The following MTHFD2L variants were observed in gnomAD, a reference collection of about 807,000 sequenced individuals.
The protein encoded by MTHFD2L is methylenetetrahydrofolate dehydrogenase (NADP+ dependent) 2 like.
Under a neutral mutation model 34.9 loss-of-function variants are expected in MTHFD2L, and 29 were observed. That is an observed-to-expected ratio of 0.83 (90% CI 0.62 to 1.13). The LOEUF (loss-of-function observed/expected upper bound fraction) is 1.13, where lower values mean the gene tolerates loss of function less well. Ranked by LOEUF, MTHFD2L falls within the 50% of genes most tolerant of loss-of-function variation. The probability of loss-of-function intolerance (pLI) is 0.00; values close to 1 mark genes in which losing one functional copy is unlikely to be tolerated. For synonymous variants in MTHFD2L, 167 were observed against 155.7 expected, an observed-to-expected ratio of 1.07 and a Z score of -0.54; for missense variants, 481 against 446.5, an observed-to-expected ratio of 1.08 and a Z score of -0.70.
At chr4:74,259,287 C>T (rs1744397601) in intron 6 of MTHFD2L, among the ~76,000 whole-genome samples, 1 of 152,182 alleles carries the variant, frequency 6.6e-6, no homozygotes, top group Admixed American at 6.5e-5. Context: ...CCAGCACCCA[C>T]TCATAGGGTA....
chr4:74,227,966 A>G (rs918013258), intron 6 of MTHFD2L, among the ~76,000 whole-genome samples: 5 of 152,194 alleles, frequency 3.3e-5, no homozygotes, highest in African/African-American at 4.8e-5. Context: ...TGATTCTTCT[A>G]TAGGCCCTTT....
chr4:74,261,636 A>G (rs1440709017), intron 6 of MTHFD2L, among the ~76,000 whole-genome samples: 1 of 152,114 alleles, frequency 6.6e-6, no homozygotes, highest in Non-Finnish European at 1.5e-5. Context: ...CTTATAAATA[A>G]TGTGACCATA....
intron 6 of MTHFD2L, among the ~76,000 whole-genome samples, chr4:74,258,615 A>C (rs1454274026): frequency 6.6e-6 from 1 of 152,198 alleles, no homozygotes; most frequent in Non-Finnish European, 1.5e-5. Flanking sequence ...TCTAGAACAA[A>C]TATCAGATGT....
intron 3 of MTHFD2L, among the ~76,000 whole-genome samples, chr4:74,185,151 CAAAAAAAAAAAAAA>C (rs1169021073): frequency 6.3e-5 from 1 of 15,978 alleles, no homozygotes; most frequent in Non-Finnish European, 1.3e-4. Context: ...GACTCCATCT[CAAAAAAAAAAAAAA>C]AAAAAAAAAA....
intron 1 of MTHFD2L, among the ~76,000 whole-genome samples, chr4:74,130,691 C>T (rs543353289): frequency 5.3e-4 from 80 of 152,262 alleles, no homozygotes; most frequent in African/African-American, 1.9e-3. Flanking sequence ...CAAGGATGCC[C>T]TCTCTCACCA....
At chr4:74,254,516 T>G (rs1255939107) in intron 6 of MTHFD2L, among the ~76,000 whole-genome samples, 3 of 148,786 alleles carry the variant, frequency 2.0e-5, no homozygotes, top group Non-Finnish European at 4.4e-5. Context: ...CAAATAGAAC[T>G]ATCAACTAAG....
At chr4:74,249,790 AGAATG>A (rs1371787702) in intron 6 of MTHFD2L, among the ~76,000 whole-genome samples, 3 of 152,100 alleles carry the variant, frequency 2.0e-5, no homozygotes, top group Admixed American at 1.3e-4. Context: ...CTTTTCTTTA[AGAATG>A]TTGAATATTG....
In MTHFD2L at chr4:74,136,067, C is replaced by A. The variant is rs541065013; in HGVS notation, c.-297+10550C>A. Among the ~76,000 whole-genome samples, 17 of 152,040 alleles carry A rather than the reference C, an allele frequency of 1.1e-4. No homozygotes were observed. The East Asian group carries it at 3.3e-3, about 29-fold the overall frequency. Reference sequence around the variant, plus strand: ...GAAGGCCTTTCCTCTAAAGGCTAGACCAAGATAAGAATGCCCACTTTCACT... The same window carrying A: ...GAAGGCCTTTCCTCTAAAGGCTAGAACAAGATAAGAATGCCCACTTTCACT... On this transcript the variant is annotated intron_variant, in intron 1 of 7. Transcript: ENST00000433372.
At chr4:74,242,369 A>G (rs1220851381) in intron 6 of MTHFD2L, among the ~76,000 whole-genome samples, 1 of 152,148 alleles carries the variant, frequency 6.6e-6, no homozygotes, top group Non-Finnish European at 1.5e-5. Context: ...ATCTTTCAGT[A>G]TAGAGTTTTA....
chr4:74,208,285 A>G (rs1349912271), intron 5 of MTHFD2L, among the ~76,000 whole-genome samples: 1 of 152,240 alleles, frequency 6.6e-6, no homozygotes, highest in Non-Finnish European at 1.5e-5. Flanking sequence ...GCACTGTTTC[A>G]TTTTCAGTGT....
At chr4:74,179,206 C>T (rs1413658601) in intron 3 of MTHFD2L, among the ~76,000 whole-genome samples, 1 of 152,068 alleles carries the variant, frequency 6.6e-6, no homozygotes, top group Non-Finnish European at 1.5e-5. Flanking sequence ...TTTTAAACTT[C>T]TTGTTACGTT....
At chr4:74,253,666 C>T (rs528341465) in intron 6 of MTHFD2L, among the ~76,000 whole-genome samples, 1 of 152,240 alleles carries the variant, frequency 6.6e-6, no homozygotes, top group Admixed American at 6.5e-5. Context: ...GCCCCAGGCT[C>T]CAGGCAAGCA....
intron 6 of MTHFD2L, among the ~76,000 whole-genome samples, chr4:74,249,572 A>T (rs966861994): frequency 6.6e-6 from 1 of 151,498 alleles, no homozygotes; most frequent in East Asian, 1.9e-4. Flanking sequence ...TTTCTTCCTA[A>T]TCTTGATGGT....
chr4:74,247,669 A>G (rs1578606738), intron 6 of MTHFD2L, among the ~76,000 whole-genome samples: 3 of 152,286 alleles, frequency 2.0e-5, no homozygotes, highest in African/African-American at 7.2e-5. Flanking sequence ...TACCTAATTT[A>G]TTGAGAGTTT....
intron 6 of MTHFD2L, among the ~76,000 whole-genome samples, chr4:74,275,167 A>G (rs1302622855): frequency 6.6e-6 from 1 of 151,444 alleles, no homozygotes; most frequent in Non-Finnish European, 1.5e-5. Flanking sequence ...TCATTGTTCA[A>G]CTCCCACTTA....
At chr4:74,213,560 G>A (rs989014511) in intron 5 of MTHFD2L, among the ~76,000 whole-genome samples, 1 of 152,198 alleles carries the variant, frequency 6.6e-6, no homozygotes, top group African/African-American at 2.4e-5. Flanking sequence ...TTTCTGCAGA[G>A]AGATCTGTTG....
chr4:74,240,291 T>C (rs1446256866), intron 6 of MTHFD2L, among the ~76,000 whole-genome samples: 1 of 152,190 alleles, frequency 6.6e-6, no homozygotes, highest in African/African-American at 2.4e-5. Context: ...TAAAACTTTT[T>C]TGGGAGACAA....
intron 6 of MTHFD2L, among the ~76,000 whole-genome samples, chr4:74,254,724 A>G (rs1392461677): frequency 6.6e-6 from 1 of 152,214 alleles, no homozygotes; most frequent in East Asian, 1.9e-4. Context: ...GAAGGTAAGA[A>G]TATAGTCAAG....
At chr4:74,177,338 T>G (rs1241105325) in intron 3 of MTHFD2L, among the ~76,000 whole-genome samples, 1 of 151,978 alleles carries the variant, frequency 6.6e-6, no homozygotes, top group Non-Finnish European at 1.5e-5. Flanking sequence ...AGCAATCTTC[T>G]TATAGTTTGC....
Sources: gnomAD v4.1 joint callset for allele counts (sites outside exome capture counted in the v4.1 genomes callset) on GRCh38, gnomAD v4.1.1 for gene constraint, MANE v1.5 for transcripts, NCBI Gene and HGNC (gene_info 2026-07-23, HGNC 2026-07-21) for gene names.